The following COL28A1 variants were observed in gnomAD, a reference collection of about 807,000 sequenced individuals.
COL28A1 encodes the protein collagen alpha-1(XXVIII) chain.
Under a neutral mutation model 150.2 loss-of-function variants are expected in COL28A1, and 161 were observed. The observed-to-expected ratio is 1.07, with a 90% CI of 0.94 to 1.22. COL28A1 has a LOEUF of 1.22. Among genes scored for constraint, COL28A1 ranks in the 50% most tolerant of loss-of-function variants. COL28A1 has a pLI of 0.00. For missense variants in COL28A1, 1,617 were observed against 1,388.3 expected (o/e 1.16, Z -2.62); for synonymous variants, 552 against 469.7 (o/e 1.18, Z -2.26).
chr7:7,527,123 ATTTAAT>A (rs1159578475), intron 3 of COL28A1, among the ~76,000 whole-genome samples: 1 of 152,226 alleles, frequency 6.6e-6, no homozygotes, highest in African/African-American at 2.4e-5. Context: ...TTTGGAACTC[ATTTAAT>A]TTTGTGTTTG....
At chr7:7,498,152 C>T (rs59100951) in intron 11 of COL28A1, among the ~76,000 whole-genome samples, 3,371 of 152,154 alleles carry the variant, frequency 0.022, 153 homozygotes, top group African/African-American at 0.077. Flanking sequence ...GTTTGGCCTA[C>T]AAACATGGCA....
chr7:7,517,763 T>C, intron 7 of COL28A1, 33 bp downstream of exon 7: 1 of 1,613,038 alleles, frequency 6.2e-7, no homozygotes, highest in South Asian at 1.1e-5. Context: ...CTAGGATCAC[T>C]TTCTTAGGAA....
intron 13 of COL28A1, among the ~76,000 whole-genome samples, chr7:7,480,051 A>G (rs1175957639): frequency 6.6e-6 from 1 of 152,248 alleles, no homozygotes; most frequent in Non-Finnish European, 1.5e-5. Flanking sequence ...TTCCTAAACC[A>G]GCACACTACA....
At chr7:7,398,312 C>T (rs1782965715) in intron 27 of COL28A1, among the ~76,000 whole-genome samples, 1 of 152,268 alleles carries the variant, frequency 6.6e-6, no homozygotes, top group South Asian at 2.1e-4. Flanking sequence ...GAGATTGTTT[C>T]CTGCAATCAT....
intron 30 of COL28A1, among the ~76,000 whole-genome samples, chr7:7,378,649 C>A (rs1781697817): frequency 1.3e-5 from 2 of 152,144 alleles, no homozygotes; most frequent in African/African-American, 4.8e-5. Context: ...GAACAGCTTT[C>A]ATGGGGGAGC....
chr7:7,431,898 G>A (rs916519578), intron 25 of COL28A1, among the ~76,000 whole-genome samples: 14 of 152,324 alleles, frequency 9.2e-5, no homozygotes, highest in Middle Eastern at 3.4e-3. Context: ...CAAAGGACTA[G>A]GTGTGGAGGA....
intron 8 of COL28A1, among the ~76,000 whole-genome samples, chr7:7,514,604 G>A (rs1196159028): frequency 6.6e-6 from 1 of 152,228 alleles, no homozygotes; most frequent in Admixed American, 6.5e-5. Context: ...CATACCATGT[G>A]TCTAAATAGT....
At chr7:7,370,959 A>T (rs750823945) in intron 32 of COL28A1, 77 bp from the exon 33 acceptor site, 77 of 957,194 alleles carry the variant, frequency 8.0e-5, no homozygotes, top group Non-Finnish European at 1.1e-4. Context: ...AAAGATCTGC[A>T]CTCTCCTTAA....
At chr7:7,519,698 G>A (rs968133978) in intron 6 of COL28A1, among the ~76,000 whole-genome samples, 3 of 152,106 alleles carry the variant, frequency 2.0e-5, no homozygotes, top group Non-Finnish European at 4.4e-5. Flanking sequence ...ATCATTAAAA[G>A]TATACCCATT....
chr7:7,380,802 G>A lies in COL28A1; in HGVS notation c.2266C>T (p.Pro756Ser). 2 of 1,613,868 alleles carry A rather than the reference G, an allele frequency of 1.2e-6. No individual in the cohort carries two copies. The highest frequency in any genetic ancestry group is 1.7e-6 in the Non-Finnish European group (2 of 1,179,854). The part of the protein sequence containing the change: ...KKGDKGEIGE[P>S]GSPGKQGLQG... ...CTTGCCTGTTTTCCTGGAGATCCAG[G>A]CTCTCCAATTTCTCCTTTATCACCT... The change falls in exon 29 of 35, where the codon CCT becomes TCT. Residue 756 changes from proline (P) to serine (S), a missense_variant. Coordinates refer to ENST00000399429, the MANE Select transcript of COL28A1 (RefSeq NM_001037763.3).
chr7:7,489,992 C>T (rs1779829170), intron 12 of COL28A1, among the ~76,000 whole-genome samples: 1 of 152,204 alleles, frequency 6.6e-6, no homozygotes, highest in Non-Finnish European at 1.5e-5. Flanking sequence ...TCAAAGTACA[C>T]TGTTTTGTAC....
rs535127428 is a variant in COL28A1, at chr7:7,367,276, T to C, written c.3066+3449A>G. Among the ~76,000 whole-genome samples the C allele has an allele frequency of 9.2e-5, 14 of 152,290 alleles. No homozygotes were observed. The East Asian group carries it at 2.1e-3, about 23-fold the overall frequency. On this transcript the variant is annotated intron_variant, in intron 33 of 34. Transcript: ENST00000399429. ...CTATGATGTTCACACAAAAACAAAA[T>C]TGGCTAGCGAAACATTTCTCAGAAA...
intron 9 of COL28A1, among the ~76,000 whole-genome samples, chr7:7,507,459 A>G (rs974084068): frequency 6.6e-6 from 1 of 152,234 alleles, no homozygotes; most frequent in African/African-American, 2.4e-5. Flanking sequence ...GATTCCTTAG[A>G]GGGCTATAAA....
intron 15 of COL28A1, among the ~76,000 whole-genome samples, chr7:7,466,143 G>A (rs1224476721): frequency 3.8e-5 from 5 of 133,308 alleles, no homozygotes; most frequent in South Asian, 2.6e-4. Context: ...GGCTTCAGAC[G>A]ATCAAATTAC....
chr7:7,359,777 C>G (rs1780546115), intron 34 of COL28A1, among the ~76,000 whole-genome samples: 1 of 152,100 alleles, frequency 6.6e-6, no homozygotes, highest in Non-Finnish European at 1.5e-5. Flanking sequence ...TGAAGACTCC[C>G]TAGACCAAAT....
At position 7,373,260 on chromosome 7, in the gene COL28A1, T is replaced by C. The variant is rs773051156; in HGVS notation, c.2646A>G (p.Gln882=). The C allele has an allele frequency of 1.9e-6, 3 of 1,614,220 alleles. No homozygotes were observed. The highest frequency in any genetic ancestry group is 2.2e-5 in the East Asian group (1 of 44,882). ...CATCTTCAAACATGTCGTTGGCTGC[T>C]TGCAGAGCAGTGGCTGTGTATGTGC... The part of the protein sequence containing the change: ...GEGTYTATAL[Q]AANDMFEDAR... Residue 882 remains glutamine (Q), a synonymous_variant, in exon 32 of 35, where the codon CAA becomes CAG. Coordinates refer to ENST00000399429, the MANE Select transcript of COL28A1 (RefSeq NM_001037763.3). This position sits in a 1 kb window ranked among gnomAD's most constrained non-coding sequence, Gnocchi z 4.1.
intron 13 of COL28A1, among the ~76,000 whole-genome samples, chr7:7,487,005 G>A (rs891811981): frequency 5.9e-5 from 9 of 152,036 alleles, no homozygotes; most frequent in African/African-American, 2.2e-4. Flanking sequence ...AAAAAGATAG[G>A]GAGACTTTAC....
chr7:7,373,735 G>A lies in COL28A1; in HGVS notation c.2360-189C>T, dbSNP rs57417551. The stretch of plus-strand genomic sequence containing the variant: ...TTTTTTTGTGAGACAGAGTCTCGCT[G>A]TCGCCCAGGTTGGAGTGCAGTGGCG... On this transcript the variant is annotated intron_variant, in intron 31 of 34. Transcript: ENST00000399429. This position sits in a 1 kb window ranked among gnomAD's most constrained non-coding sequence, Gnocchi z 4.1. Among the ~76,000 whole-genome samples, 3,747 of 149,366 alleles carry A rather than the reference G, an allele frequency of 0.025. 153 individuals are homozygous for A. Among genetic ancestry groups the A allele is most frequent in the African/African-American group, 0.087 (3,546 of 40,722 alleles).
intron 27 of COL28A1, 64 bp downstream of exon 27, chr7:7,417,795 A>G: frequency 7.1e-7 from 1 of 1,403,280 alleles, no homozygotes; most frequent in Non-Finnish European, 1.0e-6. Flanking sequence ...CGTTATCTAC[A>G]ACCTCTTCTC....
Sources: gnomAD v4.1 joint callset for allele counts (sites outside exome capture counted in the v4.1 genomes callset) on GRCh38, gnomAD v4.1.1 for gene constraint, Gnocchi (gnomAD v3.1) non-coding constraint, MANE v1.5 for transcripts, NCBI Gene and HGNC (gene_info 2026-07-23, HGNC 2026-07-21) for gene names.